NPAS3: variants seen among roughly 807,000 people sequenced by gnomAD.
The protein encoded by NPAS3 is neuronal PAS domain protein 3.
A neutral mutation model predicts 73.1 loss-of-function variants in NPAS3; 14 were observed. The ratio of observed to expected loss-of-function variants is 0.19; its 90% CI spans 0.13 to 0.30. The LOEUF is 0.30. Among genes scored for constraint, NPAS3 ranks in the 10% least tolerant of loss-of-function variants. The pLI, the probability that NPAS3 is intolerant of heterozygous loss-of-function variation, is 1.00. For synonymous variants in NPAS3, 620 were observed against 541.5 expected, an observed-to-expected ratio of 1.14 and a Z score of -2.01; for missense variants, 1,096 against 1,250.0, an observed-to-expected ratio of 0.88 and a Z score of 1.86.
At chr14:33,341,973 T>C (rs1231199849) in intron 3 of NPAS3, among the ~76,000 whole-genome samples, 1 of 152,256 alleles carries the variant, frequency 6.6e-6, no homozygotes, top group African/African-American at 2.4e-5. Context: ...TACTGTCTTG[T>C]ATGCCATTCC....
intron 4 of NPAS3, among the ~76,000 whole-genome samples, chr14:33,505,826 T>C (rs1009817242): frequency 5.3e-5 from 8 of 151,916 alleles, no homozygotes; most frequent in Non-Finnish European, 1.5e-5. Context: ...CCATCTCCCC[T>C]CTTCCCAGGC....
At chr14:33,586,504 T>A (rs2056866862) in intron 5 of NPAS3, among the ~76,000 whole-genome samples, 1 of 152,136 alleles carries the variant, frequency 6.6e-6, no homozygotes, top group South Asian at 2.1e-4. Context: ...TAATTATACA[T>A]AATAGTATAA....
chr14:33,621,983 A>G (rs2140098054), intron 5 of NPAS3, among the ~76,000 whole-genome samples: 1 of 152,328 alleles, frequency 6.6e-6, no homozygotes. Flanking sequence ...AGAAAGGTCC[A>G]GTGTCAGAAT....
At chr14:32,960,894 C>T (rs2036883416) in intron 1 of NPAS3, among the ~76,000 whole-genome samples, 1 of 152,132 alleles carries the variant, frequency 6.6e-6, no homozygotes, top group East Asian at 1.9e-4. Context: ...GTTTTGTTTT[C>T]CTCAGCACAT....
At chr14:33,743,357 A>T (rs935804497) in intron 7 of NPAS3, among the ~76,000 whole-genome samples, 4 of 152,222 alleles carry the variant, frequency 2.6e-5, no homozygotes, top group African/African-American at 7.2e-5. Flanking sequence ...TTCTTGGATG[A>T]CTAGGTGCAT....
chr14:33,465,207 C>T (rs568945337), intron 4 of NPAS3, among the ~76,000 whole-genome samples: 16 of 152,078 alleles, frequency 1.1e-4, no homozygotes, highest in East Asian at 3.9e-4. Flanking sequence ...CTACTTTGCA[C>T]GCAATAGATG....
At chr14:33,587,260 C>T (rs2056895462) in intron 5 of NPAS3, among the ~76,000 whole-genome samples, 1 of 152,138 alleles carries the variant, frequency 6.6e-6, no homozygotes, top group African/African-American at 2.4e-5. Flanking sequence ...TTATGTCAGT[C>T]ATTGTGAAGG....
At chr14:33,292,389 A>G (rs186703297) in intron 3 of NPAS3, among the ~76,000 whole-genome samples, 51 of 152,286 alleles carry the variant, frequency 3.3e-4, no homozygotes, top group African/African-American at 1.0e-3. Flanking sequence ...CCTTGCCTGG[A>G]CACGTGAACT....
intron 4 of NPAS3, among the ~76,000 whole-genome samples, chr14:33,554,195 C>G (rs2055249168): frequency 6.6e-6 from 1 of 152,174 alleles, no homozygotes; most frequent in African/African-American, 2.4e-5. Context: ...AGAGCCTCTC[C>G]TTATTAACAG....
At chr14:33,746,208 A>G (rs1334326346) in intron 7 of NPAS3, among the ~76,000 whole-genome samples, 1 of 132,128 alleles carries the variant, frequency 7.6e-6, no homozygotes, top group East Asian at 2.0e-4. Context: ...TATTTTTTTG[A>G]GATGGAGTCT....
chr14:33,299,484 T>C (rs1300927904), intron 3 of NPAS3, among the ~76,000 whole-genome samples: 1 of 152,126 alleles, frequency 6.6e-6, no homozygotes, highest in African/African-American at 2.4e-5. Flanking sequence ...GAGCCTGAGC[T>C]TGACTTGAAG....
intron 2 of NPAS3, among the ~76,000 whole-genome samples, chr14:33,103,999 T>TCA (rs1056674063): frequency 6.6e-6 from 1 of 152,026 alleles, no homozygotes; most frequent in African/African-American, 2.4e-5. Context: ...CAAAAAGAGC[T>TCA]CACGTTTACC....
intron 2 of NPAS3, among the ~76,000 whole-genome samples, chr14:33,082,146 T>C (rs1475777571): frequency 2.0e-5 from 3 of 152,178 alleles, no homozygotes; most frequent in East Asian, 3.8e-4. Context: ...CCAATGAGAA[T>C]TGGAACATAT....
In NPAS3 at chr14:33,087,711, T is replaced by C. The variant is rs895558822; in HGVS notation, c.140+31717T>C. 4.6e-5 allele frequency among the ~76,000 whole-genome samples: 7 copies of C among 152,150 alleles called. No homozygotes were observed. The South Asian group carries it at 1.0e-3, about 23-fold the overall frequency. Reference sequence around the variant, plus strand: ...CTAAGTCATTGTGCACACATAAATATACTCTTCAAGCAAAGGGCATCTCAT... The same window carrying C: ...CTAAGTCATTGTGCACACATAAATACACTCTTCAAGCAAAGGGCATCTCAT... On this transcript the variant is annotated intron_variant, in intron 2 of 11. Coordinates refer to ENST00000356141, the Ensembl canonical transcript of NPAS3.
chr14:33,060,625 CT>C (rs2138569874), intron 2 of NPAS3, among the ~76,000 whole-genome samples: 1 of 152,296 alleles, frequency 6.6e-6, no homozygotes, highest in African/African-American at 2.4e-5. Context: ...TTCCAAGCCC[CT>C]TTTTCTCCTT....
At chr14:33,525,102 T>C (rs2053738743) in intron 4 of NPAS3, among the ~76,000 whole-genome samples, 1 of 152,190 alleles carries the variant, frequency 6.6e-6, no homozygotes. Flanking sequence ...TAATTGGTTT[T>C]GTGTTAAATG....
At chr14:33,396,235 A>G (rs1407391626) in intron 4 of NPAS3, among the ~76,000 whole-genome samples, 1 of 152,186 alleles carries the variant, frequency 6.6e-6, no homozygotes, top group East Asian at 1.9e-4. Context: ...CATCACAGCC[A>G]TTGCTGAATC....
chr14:33,498,185 GCA>G (rs1360737564), intron 4 of NPAS3, among the ~76,000 whole-genome samples: 15 of 152,124 alleles, frequency 9.9e-5, no homozygotes, highest in African/African-American at 3.6e-4. Context: ...TAAAAAGTCA[GCA>G]GACAACAGAT....
intron 2 of NPAS3, among the ~76,000 whole-genome samples, chr14:33,206,563 C>G (rs1594392316): frequency 6.6e-6 from 1 of 152,140 alleles, no homozygotes; most frequent in African/African-American, 2.4e-5. Flanking sequence ...GTGTAGGCTA[C>G]TACCTTCCAT....
Sources: allele counts gnomAD v4.1 joint callset (sites outside exome capture counted in the v4.1 genomes callset), GRCh38; gene constraint gnomAD v4.1.1; transcripts MANE v1.5; gene names NCBI Gene and HGNC (gene_info 2026-07-23, HGNC 2026-07-21).